CSN2: variants seen among roughly 807,000 people sequenced by gnomAD.
The protein encoded by CSN2 is casein beta.
A neutral mutation model predicts 27.3 loss-of-function variants in CSN2; 27 were observed. The observed-to-expected ratio is 0.99, with a 90% CI of 0.73 to 1.36. The LOEUF is 1.36. Among genes scored for constraint, CSN2 ranks in the 40% most tolerant of loss-of-function variants. The probability of loss-of-function intolerance (pLI) is 0.00; values close to 1 mark genes in which losing one functional copy is unlikely to be tolerated. For missense variants in CSN2, 333 were observed against 264.5 expected (o/e 1.26, Z -1.80); for synonymous variants, 131 against 94.8 (o/e 1.38, Z -2.22).
intron 2 of CSN2, among the ~76,000 whole-genome samples, 181 bp downstream of exon 2, chr4:69,960,764 G>A (rs1723547899): frequency 6.6e-6 from 1 of 152,034 alleles, no homozygotes; most frequent in Admixed American, 6.6e-5. Context: ...AGCATTTGGG[G>A]CACTATAGGA....
At position 69,957,803 on chromosome 4, in the gene CSN2, T is replaced by A. The variant is rs774074207; in HGVS notation, c.146A>T (p.Asp49Val). ...VKHEDQQQGE[D>V]EHQDKIYPSF... The stretch of plus-strand genomic sequence containing the variant: ...GGGGTAGATTTTATCCTGGTGTTCA[T>A]CCTGGAAAGAAGGAAAAAGAATCTT... The change falls in exon 6 of 8, where the codon GAT (aspartate) becomes GTT (valine). Residue 49 changes from aspartate (D) to valine (V), a missense_variant and splice_region_variant. Asp to Val is a radical substitution (Grantham distance 152, BLOSUM62 -3). Transcript: ENST00000353151. 1.2e-6 allele frequency: 2 copies of A among 1,608,776 alleles called. No homozygotes were observed. The highest frequency in any genetic ancestry group is 1.7e-6 in the Non-Finnish European group (2 of 1,176,888).
At chr4:69,962,331 C>A (rs958520629) in intron 1 of CSN2, among the ~76,000 whole-genome samples, 1 of 152,146 alleles carries the variant, frequency 6.6e-6, no homozygotes, top group African/African-American at 2.4e-5. Context: ...TGACTTCAAA[C>A]TATACTACAA....
chr4:69,956,517 A>C (rs1218600517), intron 6 of CSN2, among the ~76,000 whole-genome samples, 162 bp from the exon 7 acceptor site: 1 of 150,514 alleles, frequency 6.6e-6, no homozygotes, highest in Non-Finnish European at 1.5e-5. Context: ...TAAATAAATA[A>C]ATAAATAAAT....
In CSN2 at chr4:69,956,372, T is replaced by C. The variant is rs1723397380; in HGVS notation, c.676-17A>G. ...TTCTTAGACCTTAAAAATAAACAGA[T>C]ACAAATAAATAAATAACCTCTTAGT... On this transcript the variant is annotated splice_polypyrimidine_tract_variant and intron_variant, in intron 6 of 7. Transcript: ENST00000353151. 2.2e-6 allele frequency: 3 copies of C among 1,388,066 alleles called. No individual in the cohort carries two copies. Among genetic ancestry groups the C allele is most frequent in the African/African-American group, 1.5e-5 (1 of 67,038 alleles). 86.0% of individuals were successfully genotyped at this position (1,388,066 alleles called of 1,614,324 possible).
At chr4:69,958,730 T>C (rs1723478906) in intron 5 of CSN2, among the ~76,000 whole-genome samples, 179 bp downstream of exon 5, 1 of 152,088 alleles carries the variant, frequency 6.6e-6, no homozygotes. Context: ...AGTTTAAAAA[T>C]GCATGCATAT....
At chr4:69,959,145 G>A (rs1184160265) in intron 3 of CSN2, 76 bp from the exon 4 acceptor site, 10 of 1,064,050 alleles carry the variant, frequency 9.4e-6, no homozygotes, top group Non-Finnish European at 1.2e-5. Context: ...GGAAATAAAG[G>A]CATTAATTCT....
intron 1 of CSN2, among the ~76,000 whole-genome samples, chr4:69,961,208 G>A (rs527415329): frequency 2.6e-5 from 4 of 152,022 alleles, no homozygotes; most frequent in East Asian, 1.9e-4. Flanking sequence ...TCTGGCTTGC[G>A]ATTCTCATTT....
At chr4:69,959,985 T>C in intron 3 of CSN2, 68 bp downstream of exon 3, 1 of 1,403,614 alleles carries the variant, frequency 7.1e-7, no homozygotes, top group Non-Finnish European at 1.0e-6. Context: ...TTAACTGCCA[T>C]GATGTAACAC....
Position 69,958,906 on chromosome 4 carries a change from T to C in CSN2, c.144+3A>G. 1 of 1,575,328 alleles carries C rather than the reference T, an allele frequency of 6.3e-7. No individual in the cohort carries two copies. The highest frequency in any genetic ancestry group is 8.7e-7 in the Non-Finnish European group (1 of 1,150,054). On this transcript the variant is annotated splice_donor_region_variant and intron_variant, in intron 5 of 7. Coordinates refer to ENST00000353151, the MANE Select transcript of CSN2 (RefSeq NM_001891.4). ...AAACATATACTTATCATTAACAAATTACCTCTCCTTGCTGCTGGTCCTCAT... is the reference window on the plus strand; with the variant it reads ...AAACATATACTTATCATTAACAAATCACCTCTCCTTGCTGCTGGTCCTCAT...
chr4:69,958,518 G>A (rs1013966439), intron 5 of CSN2, among the ~76,000 whole-genome samples: 26 of 151,942 alleles, frequency 1.7e-4, no homozygotes, highest in African/African-American at 6.3e-4. Context: ...TGTCCATATG[G>A]GAATAAAGGC....
At chr4:69,956,230 A>T in intron 7 of CSN2, 84 bp downstream of exon 7, 1 of 973,804 alleles carries the variant, frequency 1.0e-6, no homozygotes, top group Non-Finnish European at 1.4e-6. Flanking sequence ...TTTTCACTGT[A>T]TTGGACTTCT....
chr4:69,959,829 A>T (rs1206395582), intron 3 of CSN2, among the ~76,000 whole-genome samples: 1 of 152,028 alleles, frequency 6.6e-6, no homozygotes, highest in Non-Finnish European at 1.5e-5. Context: ...CATTAAAAAA[A>T]AAAGAAGCAA....
chr4:69,964,435 C>T (rs1253717803), intron 1 of CSN2, among the ~76,000 whole-genome samples: 1 of 151,952 alleles, frequency 6.6e-6, no homozygotes, highest in Non-Finnish European at 1.5e-5. Flanking sequence ...TATTGAAACT[C>T]AATTTTTGAA....
In CSN2 at chr4:69,956,339, T is replaced by A. The variant is rs1479787959; in HGVS notation, c.*11A>T. On this transcript the variant is annotated 3_prime_UTR_variant, in exon 7 of 8. Coordinates refer to ENST00000353151, the MANE Select transcript of CSN2 (RefSeq NM_001891.4). ...CAAAAATAAGGAGGGAAAATTAACTTTGAAATCTTCTTAGACCTTAAAAAT... is the reference window on the plus strand; with the variant it reads ...CAAAAATAAGGAGGGAAAATTAACTATGAAATCTTCTTAGACCTTAAAAAT... The A allele has an allele frequency of 7.1e-7, 1 of 1,411,740 alleles. No homozygotes were observed. The highest frequency in any genetic ancestry group is 9.4e-7 in the Non-Finnish European group (1 of 1,066,208). The allele number at this position is 1,411,740 out of a possible 1,614,324, so 87.5% of individuals were successfully genotyped here.
At chr4:69,957,954 T>A in intron 5 of CSN2, 150 bp from the exon 6 acceptor site, 1 of 801,630 alleles carries the variant, frequency 1.2e-6, no homozygotes, top group South Asian at 1.9e-5. Context: ...GTATCTTGAG[T>A]CATGCGAAGA....
At chr4:69,965,407 A>AAT (rs1560401536) in intron 1 of CSN2, among the ~76,000 whole-genome samples, 2 of 60,298 alleles carry the variant, frequency 3.3e-5, no homozygotes, top group East Asian at 4.0e-4. Context: ...CTAGCCTCAT[A>AAT]CTATATATAT....
rs557629717 is a variant in CSN2 at position 69,957,006 on chromosome 4, G to A, written c.675+268C>T. 5.3e-5 allele frequency among the ~76,000 whole-genome samples: 8 copies of A among 152,144 alleles called. No homozygotes were observed. The South Asian group carries it at 1.7e-3, about 32-fold the overall frequency. On this transcript the variant is annotated intron_variant, in intron 6 of 7. Transcript: ENST00000353151. ...CATCACACACCTGGACCTGTCGTGGGGTGGGGGTAGGGGGTAGGGATAGCA... is the reference window on the plus strand; with the variant it reads ...CATCACACACCTGGACCTGTCGTGGAGTGGGGGTAGGGGGTAGGGATAGCA...
intron 1 of CSN2, among the ~76,000 whole-genome samples, chr4:69,964,441 T>C (rs961890997): frequency 6.6e-6 from 1 of 152,112 alleles, no homozygotes; most frequent in Non-Finnish European, 1.5e-5. Flanking sequence ...AACTCAATTT[T>C]TGAACTAAAT....
intron 1 of CSN2, among the ~76,000 whole-genome samples, chr4:69,963,865 A>G (rs1723702249): frequency 6.6e-6 from 1 of 152,336 alleles, no homozygotes; most frequent in Middle Eastern, 3.4e-3. Context: ...ACAAAATATT[A>G]CAGTCCTGAT....
Sources: gnomAD v4.1 joint callset for allele counts (sites outside exome capture counted in the v4.1 genomes callset) on GRCh38, gnomAD v4.1.1 for gene constraint, MANE v1.5 for transcripts, NCBI Gene and HGNC (gene_info 2026-07-23, HGNC 2026-07-21) for gene names.